The following ATXN10 variants were observed in gnomAD, a reference collection of about 807,000 sequenced individuals.
ATXN10 encodes ataxin-10.
In ATXN10, 28 loss-of-function variants were observed where a neutral mutation model predicts 52.9. That is an observed-to-expected ratio of 0.53 (90% confidence interval 0.39 to 0.73). The LOEUF (loss-of-function observed/expected upper bound fraction) is 0.73. ATXN10 is among the 30% of genes least tolerant of loss of function. ATXN10 has a pLI of 0.00. For synonymous variants in ATXN10, 226 were observed against 221.5 expected (o/e 1.02, Z -0.18); for missense variants, 565 against 577.0 (o/e 0.98, Z 0.21).
At chr22:45,679,946 G>C (rs1922853595) in intron 1 of ATXN10, 4 of 152,302 alleles carry the variant, frequency 2.6e-5, no homozygotes, top group Admixed American at 2.6e-4. Context: ...AAATAAATAA[G>C]GTTAGGATTG....
rs946499677 is a variant in ATXN10 at position 45,763,578 on chromosome 22, C to T, written c.1173+23040C>T. Among the ~76,000 whole-genome samples, 3 of 152,140 alleles carry T rather than the reference C, an allele frequency of 2.0e-5. No homozygotes were observed. The highest frequency in any genetic ancestry group is 2.0e-4 in the Admixed American group (3 of 15,286). On this transcript the variant is annotated intron_variant, in intron 9 of 11. Transcript: ENST00000252934. This position sits in a 1 kb window ranked among gnomAD's most constrained non-coding sequence, Gnocchi z 6.9. ...CCCCTACCTGTTAAAAGTCGGACCC[C>T]ACCACGCCCCCCACCTCTCTGTCCC...
At chr22:45,693,176 GTA>G in intron 3 of ATXN10, 98 bp downstream of exon 3, 3 of 991,358 alleles carry the variant, frequency 3.0e-6, no homozygotes, top group Non-Finnish European at 4.7e-6. Flanking sequence ...CACATGTTCT[GTA>G]TTTCATGAGA....
chr22:45,753,894 C>T (rs1264053050), intron 9 of ATXN10, among the ~76,000 whole-genome samples: 1 of 152,178 alleles, frequency 6.6e-6, no homozygotes, highest in Non-Finnish European at 1.5e-5. Flanking sequence ...GATGGGGTCC[C>T]ATCCTAGACT....
Position 45,790,590 on chromosome 22 carries a change from G to C in ATXN10, c.1174-16369G>C, listed in dbSNP as rs181540647. Among the ~76,000 whole-genome samples the C allele has an allele frequency of 6.6e-6, 1 of 152,256 alleles. No homozygotes were observed. Among genetic ancestry groups the C allele is most frequent in the Admixed American group, 6.5e-5 (1 of 15,286 alleles). On this transcript the variant is annotated intron_variant, in intron 9 of 11. Coordinates refer to ENST00000252934, the MANE Select transcript of ATXN10 (RefSeq NM_013236.4). The surrounding 1 kb of genome is among the most constrained non-coding windows in gnomAD (Gnocchi z 4.7). ...GATTTCAGTTAGTCTCTGACAGTTGGGGGGCTACACATTTGGGAGCAATCT... is the reference window on the plus strand; with the variant it reads ...GATTTCAGTTAGTCTCTGACAGTTGCGGGGCTACACATTTGGGAGCAATCT...
rs752023915 is a variant in ATXN10, at chr22:45,823,166, C to T, written c.1237+16144C>T. The T allele has an allele frequency of 2.1e-6, 1 of 471,678 alleles. No individual in the cohort carries two copies. The highest frequency in any genetic ancestry group is 4.4e-6 in the Non-Finnish European group (1 of 227,188). The allele number at this position is 471,678 out of a possible 1,614,324, so 29.2% of individuals were successfully genotyped here. ...GGAAATACAGAACATGCCCATCTCC[C>T]TAGGCGGCTTCTTGAGTGTCCCGTC... On this transcript the variant is annotated intron_variant, in intron 10 of 11. Transcript: ENST00000252934. This position sits in a 1 kb window ranked among gnomAD's most constrained non-coding sequence, Gnocchi z 4.9.
chr22:45,727,878 C>G lies in ATXN10; in HGVS notation c.729-1547C>G, dbSNP rs1924941737. Among the ~76,000 whole-genome samples the G allele has an allele frequency of 6.6e-6, 1 of 151,930 alleles. No homozygotes were observed. The highest frequency in any genetic ancestry group is 6.6e-5 in the Admixed American group (1 of 15,246). ...TTTTTTACTGTTGTTGCTTTAAAGTCTATTTTATCTGACATAAGAGCTGTT... is the reference window on the plus strand; with the variant it reads ...TTTTTTACTGTTGTTGCTTTAAAGTGTATTTTATCTGACATAAGAGCTGTT... On this transcript the variant is annotated intron_variant, in intron 6 of 11. Coordinates refer to ENST00000252934, the MANE Select transcript of ATXN10 (RefSeq NM_013236.4). The surrounding 1 kb of genome is among the most constrained non-coding windows in gnomAD (Gnocchi z 4.6).
intron 10 of ATXN10, among the ~76,000 whole-genome samples, chr22:45,832,929 A>G (rs926666612): frequency 7.9e-5 from 12 of 152,206 alleles, no homozygotes; most frequent in African/African-American, 2.2e-4. Flanking sequence ...CTTGGCTTTT[A>G]AATAGTCTAA....
Position 45,774,971 on chromosome 22 carries a change from G to A in ATXN10, c.1174-31988G>A, listed in dbSNP as rs776337062. On this transcript the variant is annotated intron_variant, in intron 9 of 11. Coordinates refer to ENST00000252934, the MANE Select transcript of ATXN10 (RefSeq NM_013236.4). This position sits in a 1 kb window ranked among gnomAD's most constrained non-coding sequence, Gnocchi z 6.2. ...AACAAATAAATAAATAAAGGCAGGG[G>A]TCGGAGAAACACTAAAGTTTTTTGT... Among the ~76,000 whole-genome samples the A allele has an allele frequency of 2.6e-5, 4 of 152,118 alleles. No individual in the cohort carries two copies. The highest frequency in any genetic ancestry group is 5.9e-5 in the Non-Finnish European group (4 of 67,992).
At chr22:45,815,762 TTC>T (rs1483983662) in intron 10 of ATXN10, among the ~76,000 whole-genome samples, 1 of 152,158 alleles carries the variant, frequency 6.6e-6, no homozygotes, top group Non-Finnish European at 1.5e-5. Context: ...AAACCCAGCT[TTC>T]TCTCACTCCA....
At chr22:45,725,284 G>T (rs1924821590) in intron 6 of ATXN10, among the ~76,000 whole-genome samples, 1 of 152,062 alleles carries the variant, frequency 6.6e-6, no homozygotes, top group South Asian at 2.1e-4. Flanking sequence ...TCTAATCCAT[G>T]AGCATGGGAT....
chr22:45,829,669 CAAG>C (rs954336592), intron 10 of ATXN10, among the ~76,000 whole-genome samples: 4 of 152,202 alleles, frequency 2.6e-5, no homozygotes, highest in East Asian at 1.9e-4. Flanking sequence ...TTAACTTACT[CAAG>C]GAGGTGAAAG....
chr22:45,802,208 C>G (rs1601655790), intron 9 of ATXN10, among the ~76,000 whole-genome samples: 1 of 152,314 alleles, frequency 6.6e-6, no homozygotes, highest in South Asian at 2.1e-4. Context: ...AGATGCACTA[C>G]CACGGGAAAG....
In ATXN10 at chr22:45,824,145, C is replaced by T. The variant is rs925039080; in HGVS notation, c.1237+17123C>T. On this transcript the variant is annotated intron_variant, in intron 10 of 11. Transcript: ENST00000252934. This position sits in a 1 kb window ranked among gnomAD's most constrained non-coding sequence, Gnocchi z 5.2. Reference sequence around the variant, plus strand: ...TCTTACCTGCTGAGTGTAGTCAGCCCGTCCTGTTTTCCCTTCCGGCACTCT... The same window carrying T: ...TCTTACCTGCTGAGTGTAGTCAGCCTGTCCTGTTTTCCCTTCCGGCACTCT... Among the ~76,000 whole-genome samples the T allele has an allele frequency of 4.6e-5, 7 of 152,132 alleles. No individual in the cohort carries two copies. The highest frequency in any genetic ancestry group is 7.2e-5 in the African/African-American group (3 of 41,522).
At chr22:45,702,149 G>A (rs1003589609) in intron 4 of ATXN10, among the ~76,000 whole-genome samples, 1 of 152,068 alleles carries the variant, frequency 6.6e-6, no homozygotes, top group African/African-American at 2.4e-5. Context: ...AAAAAATCCT[G>A]CCATATTGCA....
Position 45,799,986 on chromosome 22 carries a change from C to A in ATXN10, c.1174-6973C>A, listed in dbSNP as rs369687781. ...AAAGAACCTAGACTCTTAATTTATA[C>A]CAAACAAAAATTGATTTAAAATAGC... On this transcript the variant is annotated intron_variant, in intron 9 of 11. Coordinates refer to ENST00000252934, the MANE Select transcript of ATXN10 (RefSeq NM_013236.4). Among the ~76,000 whole-genome samples, 55 of 152,004 alleles carry A rather than the reference C, an allele frequency of 3.6e-4. 2 individuals are homozygous for A. In the East Asian group the frequency reaches 7.1e-3, roughly 20 times the overall value.
At position 45,690,012 on chromosome 22, in the gene ATXN10, C is replaced by A; in HGVS notation, c.308+109C>A. 8.9e-7 allele frequency: 1 copy of A among 1,129,086 alleles called. No individual in the cohort carries two copies. The highest frequency in any genetic ancestry group is 1.3e-6 in the Non-Finnish European group (1 of 766,858). 69.9% of individuals were successfully genotyped at this position (1,129,086 alleles called of 1,614,324 possible). A position where few individuals can be genotyped will look rare whatever the true frequency, so the allele number is the denominator to read the frequency against. The stretch of plus-strand genomic sequence containing the variant: ...TTTGGGCTGGGTAAGGTGGCTCATG[C>A]CTGTAATCCCAGCATTTTGGGAGGC... On this transcript the variant is annotated intron_variant, in intron 2 of 11. Transcript: ENST00000252934. This position sits in a 1 kb window ranked among gnomAD's most constrained non-coding sequence, Gnocchi z 4.5.
chr22:45,704,774 C>T (rs1287897705), intron 5 of ATXN10, among the ~76,000 whole-genome samples: 2 of 151,848 alleles, frequency 1.3e-5, no homozygotes, highest in Non-Finnish European at 2.9e-5. Flanking sequence ...CTTTCTTTTC[C>T]TTGCCTAGTT....
chr22:45,715,225 C>T lies in ATXN10; in HGVS notation c.648-3188C>T, dbSNP rs1924400008. On this transcript the variant is annotated intron_variant, in intron 5 of 11. Coordinates refer to ENST00000252934, the MANE Select transcript of ATXN10 (RefSeq NM_013236.4). This position sits in a 1 kb window ranked among gnomAD's most constrained non-coding sequence, Gnocchi z 4.4. ...AAGTGAAGCAGACCCAGTCTGTTGCCCACTGTTTAAAAACTGTTTATATAT... is the reference window on the plus strand; with the variant it reads ...AAGTGAAGCAGACCCAGTCTGTTGCTCACTGTTTAAAAACTGTTTATATAT... 6.6e-6 allele frequency among the ~76,000 whole-genome samples: 1 copy of T among 152,052 alleles called. No individual in the cohort carries two copies. Among genetic ancestry groups the T allele is most frequent in the Admixed American group, 6.6e-5 (1 of 15,258 alleles).
In ATXN10 at chr22:45,806,968, C is replaced by G. The variant is rs1928119770; in HGVS notation, c.1183C>G (p.Leu395Val). 1 of 1,613,434 alleles carries G rather than the reference C, an allele frequency of 6.2e-7. No homozygotes were observed. Among genetic ancestry groups the G allele is most frequent in the Non-Finnish European group, 8.5e-7 (1 of 1,179,458 alleles). ...TCTTCTTTCTCTCTAGGTAAATGAG[C>G]TGGATGGTATCCCGTTGATCCTGGA... is the stretch of plus-strand genomic sequence containing the variant. ...NKDNQDKVNELDGIPLILDNC... is the reference protein window; with the variant it reads ...NKDNQDKVNEVDGIPLILDNC... Residue 395 changes from leucine (L) to valine (V), a missense_variant, in exon 10 of 12, where the codon CTG becomes GTG. Physicochemically the swap from Leu to Val is conservative, Grantham distance 32. Transcript: ENST00000252934.
Sources: allele counts gnomAD v4.1 joint callset (sites outside exome capture counted in the v4.1 genomes callset), GRCh38; gene constraint gnomAD v4.1.1; non-coding constraint Gnocchi (gnomAD v3.1); transcripts MANE v1.5; gene names NCBI Gene and HGNC (gene_info 2026-07-23, HGNC 2026-07-21).